Variants in CSMD1 observed in about 807,000 individuals in gnomAD.
The protein encoded by CSMD1 is CUB and Sushi multiple domains 1.
A neutral mutation model predicts 417.5 loss-of-function variants in CSMD1; 213 were observed. The ratio of observed to expected loss-of-function variants is 0.51; its 90% CI spans 0.46 to 0.57. The LOEUF (loss-of-function observed/expected upper bound fraction) is 0.57, where lower values mean the gene tolerates loss of function less well. CSMD1 is among the 20% of genes least tolerant of loss of function. The probability of loss-of-function intolerance (pLI) is 0.00; values close to 1 mark genes in which losing one functional copy is unlikely to be tolerated. For synonymous variants in CSMD1, 2,862 were observed against 1,736.8 expected, an observed-to-expected ratio of 1.65 and a Z score of -16.11; for missense variants, 6,923 against 4,529.7, an observed-to-expected ratio of 1.53 and a Z score of -15.17.
At chr8:3,958,107 A>T (rs1024499520) in intron 5 of CSMD1, among the ~76,000 whole-genome samples, 1 of 152,166 alleles carries the variant, frequency 6.6e-6, no homozygotes, top group Non-Finnish European at 1.5e-5. Flanking sequence ...CTTGAAGAAA[A>T]AGTCAACATG....
At chr8:3,880,338 G>T (rs1048471027) in intron 5 of CSMD1, among the ~76,000 whole-genome samples, 1 of 152,084 alleles carries the variant, frequency 6.6e-6, no homozygotes, top group Non-Finnish European at 1.5e-5. Context: ...CTGCATCGTT[G>T]TTCTTTATTG....
chr8:4,699,001 G>T (rs1161831120), intron 1 of CSMD1, among the ~76,000 whole-genome samples: 1 of 151,808 alleles, frequency 6.6e-6, no homozygotes, highest in Non-Finnish European at 1.5e-5. Context: ...GTCATGCTTT[G>T]TGTCTCCACT....
intron 3 of CSMD1, among the ~76,000 whole-genome samples, chr8:4,203,655 T>G (rs1006155007): frequency 6.6e-6 from 1 of 152,028 alleles, no homozygotes; most frequent in African/African-American, 2.4e-5. Context: ...ACATTGGAAG[T>G]TGGTTCCTCT....
At chr8:3,097,618 G>C (rs574274542) in intron 46 of CSMD1, among the ~76,000 whole-genome samples, 4 of 152,240 alleles carry the variant, frequency 2.6e-5, no homozygotes, top group Non-Finnish European at 5.9e-5. Flanking sequence ...CATAGCCCGG[G>C]GATGATGACA....
At chr8:4,796,537 C>T (rs758868086) in intron 1 of CSMD1, among the ~76,000 whole-genome samples, 1 of 151,746 alleles carries the variant, frequency 6.6e-6, no homozygotes, top group Admixed American at 6.6e-5. Context: ...CCCTCAGACA[C>T]GCTCTCAGAC....
intron 3 of CSMD1, among the ~76,000 whole-genome samples, chr8:4,278,017 G>A (rs991088334): frequency 2.6e-5 from 4 of 152,046 alleles, no homozygotes; most frequent in African/African-American, 4.8e-5. Flanking sequence ...AAAGTGCTGG[G>A]ATTACAAGCA....
chr8:3,126,685 C>G (rs774058140), intron 41 of CSMD1, among the ~76,000 whole-genome samples: 1 of 152,218 alleles, frequency 6.6e-6, no homozygotes, highest in African/African-American at 2.4e-5. Flanking sequence ...CACCCTGGTT[C>G]TCAACTCTAA....
At chr8:2,969,808 G>A (rs1164716551) in intron 57 of CSMD1, among the ~76,000 whole-genome samples, 2 of 152,078 alleles carry the variant, frequency 1.3e-5, no homozygotes, top group Non-Finnish European at 2.9e-5. Context: ...ATTTTTGCTG[G>A]TGTGTGTGTG....
intron 41 of CSMD1, among the ~76,000 whole-genome samples, chr8:3,123,356 C>G (rs17390734): frequency 0.054 from 8,296 of 152,228 alleles, 343 homozygotes; most frequent in Non-Finnish European, 0.084. Context: ...TAGAAAACAT[C>G]CACAGTGCCT....
rs79414962 is a variant in CSMD1 at position 4,220,453 on chromosome 8, G to T, written c.416-188354C>A. 5.3e-3 allele frequency among the ~76,000 whole-genome samples: 811 copies of T among 152,350 alleles called. 5 individuals carry two copies. Among genetic ancestry groups the T allele is most frequent in the African/African-American group, 0.018 (729 of 41,572 alleles). Reference sequence around the variant, plus strand: ...TGGGATGGCATTAGAGGTCAGGGCAGTGAGAAGACCTCATGCATTAATTTT... The same window carrying T: ...TGGGATGGCATTAGAGGTCAGGGCATTGAGAAGACCTCATGCATTAATTTT... On this transcript the variant is annotated intron_variant, in intron 3 of 69. Transcript: ENST00000635120.
chr8:3,630,189 G>A (rs987710276), intron 7 of CSMD1, among the ~76,000 whole-genome samples: 3 of 152,210 alleles, frequency 2.0e-5, no homozygotes, highest in African/African-American at 4.8e-5. Context: ...CAGGCTCTCC[G>A]TCAGCTCCTG....
At chr8:4,567,592 C>T (rs561625916) in intron 2 of CSMD1, among the ~76,000 whole-genome samples, 3 of 152,044 alleles carry the variant, frequency 2.0e-5, no homozygotes, top group Non-Finnish European at 4.4e-5. Flanking sequence ...GCTTGAAAAC[C>T]CCACAGAAAG....
At chr8:4,607,968 GTATCAATGT>G (rs1385607913) in intron 2 of CSMD1, among the ~76,000 whole-genome samples, 1 of 152,122 alleles carries the variant, frequency 6.6e-6, no homozygotes, top group African/African-American at 2.4e-5. Flanking sequence ...CAGCCCACCT[GTATCAATGT>G]TATTATATAC....
intron 1 of CSMD1, among the ~76,000 whole-genome samples, chr8:4,884,255 G>A (rs1008621686): frequency 5.9e-5 from 9 of 151,746 alleles, no homozygotes; most frequent in Non-Finnish European, 1.2e-4. Context: ...ATATATACAT[G>A]TTATTTTTTC....
chr8:4,710,508 T>C (rs2725080), intron 1 of CSMD1, among the ~76,000 whole-genome samples: 53,344 of 148,176 alleles, frequency 0.36, 10,235 homozygotes, highest in Non-Finnish European at 0.43. Context: ...CAAATTACAT[T>C]GAGTAAGTGT....
chr8:3,599,413 G>C (rs1584942954), intron 8 of CSMD1, among the ~76,000 whole-genome samples: 1 of 151,926 alleles, frequency 6.6e-6, no homozygotes, highest in Non-Finnish European at 1.5e-5. Flanking sequence ...CCACAATATA[G>C]CACTATTAAA....
At chr8:3,828,563 G>C (rs1802188684) in intron 5 of CSMD1, among the ~76,000 whole-genome samples, 1 of 152,056 alleles carries the variant, frequency 6.6e-6, no homozygotes. Context: ...TACAGAACTT[G>C]TCGTATTGAC....
chr8:4,208,300 A>G (rs541232263), intron 3 of CSMD1, among the ~76,000 whole-genome samples: 8 of 152,302 alleles, frequency 5.3e-5, no homozygotes, highest in Non-Finnish European at 1.0e-4. Flanking sequence ...AATTAGAAAA[A>G]AAGACTGGAG....
chr8:4,244,303 T>C (rs1043917372), intron 3 of CSMD1, among the ~76,000 whole-genome samples: 1 of 152,102 alleles, frequency 6.6e-6, no homozygotes, highest in Non-Finnish European at 1.5e-5. Context: ...CACTATGCAG[T>C]CTTGTCTCCA....
Sources: gnomAD v4.1 joint callset for allele counts (sites outside exome capture counted in the v4.1 genomes callset) on GRCh38, gnomAD v4.1.1 for gene constraint, MANE v1.5 for transcripts, NCBI Gene and HGNC (gene_info 2026-07-23, HGNC 2026-07-21) for gene names.